Variants in PRPH observed in about 807,000 individuals in gnomAD.
PRPH encodes the protein neurofilament 4 (57kD).
Under a neutral mutation model 52.6 loss-of-function variants are expected in PRPH, and 48 were observed. The ratio of observed to expected loss-of-function variants is 0.91; its 90% CI spans 0.72 to 1.16. The LOEUF is 1.16. Among genes scored for constraint, PRPH ranks in the 50% most tolerant of loss-of-function variants. The pLI is 0.00. For synonymous variants in PRPH, 279 were observed against 283.8 expected (o/e 0.98, Z 0.17); for missense variants, 579 against 635.7 (o/e 0.91, Z 0.96).
rs753072508 is a variant in PRPH, at chr12:49,297,091, C to T, written c.870+35C>T. On this transcript the variant is annotated intron_variant, in intron 4 of 8. Coordinates refer to ENST00000257860, the MANE Select transcript of PRPH (RefSeq NM_006262.4). The surrounding 1 kb of genome is among the most constrained non-coding windows in gnomAD (Gnocchi z 4.4). Reference sequence around the variant, plus strand: ...CCGGGAGGGCCTGCGAGGCGGGACGCTGGGGTGGTGTCGCGCGTCCCAGCC... The same window carrying T: ...CCGGGAGGGCCTGCGAGGCGGGACGTTGGGGTGGTGTCGCGCGTCCCAGCC... 18 of 1,613,744 alleles carry T rather than the reference C, an allele frequency of 1.1e-5. No individual in the cohort carries two copies. Among genetic ancestry groups the T allele is most frequent in the East Asian group, 4.5e-5 (2 of 44,864 alleles).
chr12:49,296,097 C>T lies in PRPH; in HGVS notation c.546-81C>T. 1.4e-6 allele frequency: 2 copies of T among 1,479,636 alleles called. No homozygotes were observed. Among genetic ancestry groups the T allele is most frequent in the Non-Finnish European group, 1.8e-6 (2 of 1,082,404 alleles). 91.7% of individuals were successfully genotyped at this position (1,479,636 alleles called of 1,614,324 possible). A position where few individuals can be genotyped will look rare whatever the true frequency, so the allele number is the denominator to read the frequency against. ...CCTGGGCAGCAGAACAGCCTCTAAC[C>T]GGATCCTGGGGGGCGTGCGGTCTGG... On this transcript the variant is annotated intron_variant, in intron 1 of 8. Coordinates refer to ENST00000257860, the MANE Select transcript of PRPH (RefSeq NM_006262.4). This position sits in a 1 kb window ranked among gnomAD's most constrained non-coding sequence, Gnocchi z 5.1.
chr12:49,297,815 C>T lies in PRPH; in HGVS notation c.1267+89C>T. The T allele has an allele frequency of 6.2e-7, 1 of 1,601,298 alleles. No homozygotes were observed. Among genetic ancestry groups the T allele is most frequent in the East Asian group, 2.2e-5 (1 of 44,818 alleles). On this transcript the variant is annotated intron_variant, in intron 7 of 8. Transcript: ENST00000257860. This position sits in a 1 kb window ranked among gnomAD's most constrained non-coding sequence, Gnocchi z 4.4. ...TGGCTCACCTCAGGGATCTCTTCTC[C>T]CCACGGAACTTCTGGGTCCTGGCCT...
rs563743745 is a variant in PRPH at position 49,297,269 on chromosome 12, G to T, written c.992G>T (p.Gly331Val). 5 of 1,613,992 alleles carry T rather than the reference G, an allele frequency of 3.1e-6. No individual in the cohort carries two copies. In the Admixed American group the frequency reaches 8.3e-5, roughly 27 times the overall value. Residue 331 changes from glycine (G) to valine (V), a missense_variant, in exon 5 of 9, where the codon GGC becomes GTC. Transcript: ENST00000257860. This position sits in a 1 kb window ranked among gnomAD's most constrained non-coding sequence, Gnocchi z 4.4. The stretch of plus-strand genomic sequence containing the variant: ...ACGTGCGAGGTGGACGGGCTGCGCG[G>T]CACGGTGAGTACGAAGCTGCGCGCT... Reference protein sequence around the residue: ...SLTCEVDGLRGTNEALLRQLR... With the variant: ...SLTCEVDGLRVTNEALLRQLR...
Position 49,296,931 on chromosome 12 carries a change from C to G in PRPH, c.745C>G (p.Gln249Glu), listed in dbSNP as rs770551629. ...LQVSVESQQV[Q>E]QVEVEATVKP... ...GGTGAGTGTGGAGAGCCAGCAGGTG[C>G]AGCAGGTGGAGGTGGAAGCCACGGT... The change falls in exon 4 of 9, where the codon CAG (glutamine) becomes GAG (glutamate). Residue 249 changes from glutamine (Q) to glutamate (E), a missense_variant. Coordinates refer to ENST00000257860, the MANE Select transcript of PRPH (RefSeq NM_006262.4). This position sits in a 1 kb window ranked among gnomAD's most constrained non-coding sequence, Gnocchi z 5.1. 1 of 1,613,382 alleles carries G rather than the reference C, an allele frequency of 6.2e-7. No homozygotes were observed. Among genetic ancestry groups the G allele is most frequent in the East Asian group, 2.2e-5 (1 of 44,844 alleles).
In PRPH at chr12:49,297,428, G is replaced by A. The variant is rs1012240852; in HGVS notation, c.1068G>A (p.Ala356=). The A allele has an allele frequency of 1.2e-6, 2 of 1,610,240 alleles. No individual in the cohort carries two copies. Among genetic ancestry groups the A allele is most frequent in the African/African-American group, 2.7e-5 (2 of 74,878 alleles). Residue 356 remains alanine, a synonymous_variant, in exon 6 of 9, where the codon GCG becomes GCA. Coordinates refer to ENST00000257860, the MANE Select transcript of PRPH (RefSeq NM_006262.4). This position sits in a 1 kb window ranked among gnomAD's most constrained non-coding sequence, Gnocchi z 4.4. ...QFALEAGGYQ[A]GAARLEEELR... Reference sequence around the variant, plus strand: ...CCCTGGAGGCGGGGGGCTACCAGGCGGGCGCTGCGCGGCTCGAGGAGGAGC... The same window carrying A: ...CCCTGGAGGCGGGGGGCTACCAGGCAGGCGCTGCGCGGCTCGAGGAGGAGC...
Position 49,295,242 on chromosome 12 carries a change from C to T in PRPH, c.42C>T (p.Ser14=), listed in dbSNP as rs746537014. 1.2e-6 allele frequency: 2 copies of T among 1,611,630 alleles called. No individual in the cohort carries two copies. Among genetic ancestry groups the T allele is most frequent in the Non-Finnish European group, 1.7e-6 (2 of 1,179,572 alleles). The change falls in exon 1 of 9, where the codon TCC becomes TCT. Residue 14 remains serine (S), a synonymous_variant. Transcript: ENST00000257860. ...HPSGLRAGFS[S]TSYRRTFGPP... ...CGGGCCTCCGGGCCGGCTTCAGCTC[C>T]ACCTCATACCGCCGTACCTTCGGTC...
chr12:49,296,806 T>G lies in PRPH; in HGVS notation c.703-83T>G. On this transcript the variant is annotated intron_variant, in intron 3 of 8. Transcript: ENST00000257860. This position sits in a 1 kb window ranked among gnomAD's most constrained non-coding sequence, Gnocchi z 5.1. Reference sequence around the variant, plus strand: ...GCGCCCACTTCTGTTCGTTCAAGCGTTTCTTCTCTTTTCTGTGCACGAACT... The same window carrying G: ...GCGCCCACTTCTGTTCGTTCAAGCGGTTCTTCTCTTTTCTGTGCACGAACT... The G allele has an allele frequency of 6.6e-6, 10 of 1,520,692 alleles. No homozygotes were observed. Among genetic ancestry groups the G allele is most frequent in the African/African-American group, 1.4e-5 (1 of 72,576 alleles). The allele number at this position is 1,520,692 out of a possible 1,614,324, so 94.2% of individuals were successfully genotyped here.
intron 1 of PRPH, 142 bp downstream of exon 1, chr12:49,295,887 C>A: frequency 1.4e-6 from 2 of 1,440,352 alleles, no homozygotes; most frequent in Non-Finnish European, 1.8e-6. Context: ...TGTGTGCGGG[C>A]AGCATCCCTG....
Position 49,295,460 on chromosome 12 carries a change from A to G in PRPH, c.260A>G (p.Asn87Ser), listed in dbSNP as rs772155676. The change falls in exon 1 of 9, where the codon AAC becomes AGC. Residue 87 changes from asparagine (N) to serine (S), a missense_variant. Physicochemically the swap from Asn to Ser is conservative, Grantham distance 46 (BLOSUM62 1). Coordinates refer to ENST00000257860, the MANE Select transcript of PRPH (RefSeq NM_006262.4). Reference sequence around the variant, plus strand: ...GACTTCTCCATGGCCGAGGCCCTCAACCAGGAGTTCCTGGCCACGCGCAGC... The same window carrying G: ...GACTTCTCCATGGCCGAGGCCCTCAGCCAGGAGTTCCTGGCCACGCGCAGC... The part of the protein sequence containing the change: ...RLDFSMAEAL[N>S]QEFLATRSNE... 6.8e-6 allele frequency: 11 copies of G among 1,608,646 alleles called. No individual in the cohort carries two copies. The highest frequency in any genetic ancestry group is 3.4e-5 in the Admixed American group (2 of 59,452).
In PRPH at chr12:49,298,274, C is replaced by T. The variant is rs1943216448; in HGVS notation, c.1348-14C>T. On this transcript the variant is annotated splice_polypyrimidine_tract_variant and intron_variant, in intron 8 of 8. Coordinates refer to ENST00000257860, the MANE Select transcript of PRPH (RefSeq NM_006262.4). ...TGAATGGCTTGTGCCCATCATATGC[C>T]CTGTCCCCAGCAGGTGGTGACAGAG... 1.9e-6 allele frequency: 3 copies of T among 1,613,772 alleles called. No homozygotes were observed. The highest frequency in any genetic ancestry group is 1.3e-5 in the African/African-American group (1 of 74,908).
In PRPH at chr12:49,298,014, A is replaced by G. The variant is rs767867687; in HGVS notation, c.1324A>G (p.Thr442Ala). 2 of 1,614,082 alleles carry G rather than the reference A, an allele frequency of 1.2e-6. No homozygotes were observed. Among genetic ancestry groups the G allele is most frequent in the East Asian group, 4.5e-5 (2 of 44,882 alleles). The stretch of plus-strand genomic sequence containing the variant: ...CAGCCGGAAGACGGTTCTGATCAAG[A>G]CCATTGAGACCCGGAATGGGGAGGT... ...SHSRKTVLIK[T>A]IETRNGEVVT... The change falls in exon 8 of 9, where the codon ACC becomes GCC. Residue 442 changes from threonine (T) to alanine (A), a missense_variant. Transcript: ENST00000257860.
intron 8 of PRPH, 121 bp from the exon 9 acceptor site, chr12:49,298,167 T>C: frequency 6.8e-7 from 1 of 1,471,244 alleles, no homozygotes; most frequent in East Asian, 2.4e-5. Flanking sequence ...ACAGAGAACG[T>C]GGATAGATAA....
Position 49,297,542 on chromosome 12 carries a change from C to T in PRPH, c.1182C>T (p.Ala394=). The change falls in exon 6 of 9, where the codon GCC becomes GCT. Residue 394 remains alanine (A), a synonymous_variant. Coordinates refer to ENST00000257860, the MANE Select transcript of PRPH (RefSeq NM_006262.4). This position sits in a 1 kb window ranked among gnomAD's most constrained non-coding sequence, Gnocchi z 4.4. ...NVKMALDIEI[A]TYRKLLEGEE... ...AGATGGCCCTGGACATCGAGATCGC[C>T]ACCTACCGCAAGCTGCTGGAGGGCG... The T allele has an allele frequency of 6.2e-7, 1 of 1,611,832 alleles. No homozygotes were observed. The highest frequency in any genetic ancestry group is 8.5e-7 in the Non-Finnish European group (1 of 1,179,816).
Position 49,296,562 on chromosome 12 carries a change from G to A in PRPH, c.702+35G>A, listed in dbSNP as rs1943182954. 1 of 1,592,128 alleles carries A rather than the reference G, an allele frequency of 6.3e-7. No individual in the cohort carries two copies. Among genetic ancestry groups the A allele is most frequent in the Admixed American group, 1.7e-5 (1 of 59,406 alleles). ...CCCGGTATCAGGGGCGGTTTCTGAG[G>A]TTGTGGGGTGGTCTCGCTGGAGCTG... On this transcript the variant is annotated intron_variant, in intron 3 of 8. Coordinates refer to ENST00000257860, the MANE Select transcript of PRPH (RefSeq NM_006262.4). The surrounding 1 kb of genome is among the most constrained non-coding windows in gnomAD (Gnocchi z 5.1).
In PRPH at chr12:49,296,646, C is replaced by G; in HGVS notation, c.702+119C>G. 1 of 1,130,490 alleles carries G rather than the reference C, an allele frequency of 8.8e-7. No homozygotes were observed. The highest frequency in any genetic ancestry group is 1.3e-6 in the Non-Finnish European group (1 of 770,676). 70.0% of individuals were successfully genotyped at this position (1,130,490 alleles called of 1,614,324 possible). ...GGACGATGCTGGGTAGACGCAGCCC[C>G]TCCACCCTAGTCTACAGGTGGTTAG... On this transcript the variant is annotated intron_variant, in intron 3 of 8. Coordinates refer to ENST00000257860, the MANE Select transcript of PRPH (RefSeq NM_006262.4). This position sits in a 1 kb window ranked among gnomAD's most constrained non-coding sequence, Gnocchi z 5.1.
Position 49,296,277 on chromosome 12 carries a change from G to A in PRPH, c.606+39G>A. The A allele has an allele frequency of 4.4e-6, 7 of 1,607,148 alleles. No homozygotes were observed. Among genetic ancestry groups the A allele is most frequent in the Non-Finnish European group, 5.1e-6 (6 of 1,176,034 alleles). On this transcript the variant is annotated intron_variant, in intron 2 of 8. Coordinates refer to ENST00000257860, the MANE Select transcript of PRPH (RefSeq NM_006262.4). The surrounding 1 kb of genome is among the most constrained non-coding windows in gnomAD (Gnocchi z 5.1). ...CCTCTCCGAGTTCAGCCTCCCCACCGCTACCCCCGATCTCAGTATCCAGAG... is the reference window on the plus strand; with the variant it reads ...CCTCTCCGAGTTCAGCCTCCCCACCACTACCCCCGATCTCAGTATCCAGAG...
In PRPH at chr12:49,296,058, C is replaced by A; in HGVS notation, c.546-120C>A. The A allele has an allele frequency of 7.5e-7, 1 of 1,335,726 alleles. No individual in the cohort carries two copies. The highest frequency in any genetic ancestry group is 1.0e-6 in the Non-Finnish European group (1 of 963,334). The allele number at this position is 1,335,726 out of a possible 1,614,324, so 82.7% of individuals were successfully genotyped here. A position where few individuals can be genotyped will look rare whatever the true frequency, so the allele number is the denominator to read the frequency against. ...GGCAATTCCATTAGACAGCCTCAGC[C>A]CTCCATTTAGAGTCCTGGGCAGCAG... On this transcript the variant is annotated intron_variant, in intron 1 of 8. Coordinates refer to ENST00000257860, the MANE Select transcript of PRPH (RefSeq NM_006262.4). The surrounding 1 kb of genome is among the most constrained non-coding windows in gnomAD (Gnocchi z 5.1).
At position 49,295,672 on chromosome 12, in the gene PRPH, T is replaced by C; in HGVS notation, c.472T>C (p.Leu158=). The C allele has an allele frequency of 1.3e-6, 2 of 1,535,780 alleles. No homozygotes were observed. The highest frequency in any genetic ancestry group is 1.7e-6 in the Non-Finnish European group (2 of 1,144,378). The change falls in exon 1 of 9, where the codon TTG becomes CTG. Residue 158 remains leucine, a synonymous_variant. Transcript: ENST00000257860. ...CGAGCTGCGGCGAGAGCTGGAGCTG[T>C]TGGGCCGCGAGCGTGACCGGGTGCA... The part of the protein sequence containing the change: ...LRELRRELEL[L]GRERDRVQVE...
chr12:49,295,626 G>C lies in PRPH; in HGVS notation c.426G>C (p.Gln142His), dbSNP rs761209771. The C allele has an allele frequency of 5.2e-6, 8 of 1,544,964 alleles. 1 individual carries two copies. In the South Asian group the frequency reaches 7.1e-5, roughly 14 times the overall value. ...GCCAGGAGCCGGCGCGCGCCGACCA[G>C]CTGTGCCAGCAGGAGCTGCGCGAGC... ...ARGQEPARAD[Q>H]LCQQELRELR... Residue 142 changes from glutamine (Q) to histidine (H), a missense_variant, in exon 1 of 9, where the codon CAG becomes CAC. Coordinates refer to ENST00000257860, the MANE Select transcript of PRPH (RefSeq NM_006262.4).
Sources: allele counts gnomAD v4.1 joint callset, GRCh38; gene constraint gnomAD v4.1.1; non-coding constraint Gnocchi (gnomAD v3.1); transcripts MANE v1.5; gene names NCBI Gene and HGNC (gene_info 2026-07-23, HGNC 2026-07-21).